TTLL5: variants seen among roughly 807,000 people sequenced by gnomAD.
TTLL5 encodes tubulin tyrosine ligase like 5.
A neutral mutation model predicts 168.4 loss-of-function variants in TTLL5; 132 were observed. The ratio of observed to expected loss-of-function variants is 0.78; its 90% CI spans 0.68 to 0.91. The LOEUF (loss-of-function observed/expected upper bound fraction) is 0.91, where lower values mean the gene tolerates loss of function less well. Among genes scored for constraint, TTLL5 ranks in the 40% least tolerant of loss-of-function variants. The pLI, the probability that TTLL5 is intolerant of heterozygous loss-of-function variation, is 0.00. For missense variants in TTLL5, 1,545 were observed against 1,581.5 expected, an observed-to-expected ratio of 0.98 and a Z score of 0.39; for synonymous variants, 546 against 558.6, an observed-to-expected ratio of 0.98 and a Z score of 0.32.
chr14:75,749,038 G>A (rs1889787763), intron 17 of TTLL5, among the ~76,000 whole-genome samples: 2 of 152,054 alleles, frequency 1.3e-5, no homozygotes, highest in South Asian at 4.1e-4. Context: ...TAGAGAAATC[G>A]TCCTTTTATC....
intron 28 of TTLL5, among the ~76,000 whole-genome samples, chr14:75,824,222 C>G (rs1289893474): frequency 6.6e-6 from 1 of 152,152 alleles, no homozygotes; most frequent in Non-Finnish European, 1.5e-5. Flanking sequence ...CTTCCATGTT[C>G]TCAGCACAGT....
chr14:75,789,647 G>A (rs1174371763), intron 26 of TTLL5, among the ~76,000 whole-genome samples: 1 of 152,016 alleles, frequency 6.6e-6, no homozygotes, highest in Non-Finnish European at 1.5e-5. Flanking sequence ...TGTTACCTAG[G>A]AATACATTTA....
At chr14:75,860,501 C>T (rs1897343164) in intron 28 of TTLL5, among the ~76,000 whole-genome samples, 1 of 152,218 alleles carries the variant, frequency 6.6e-6, no homozygotes, top group African/African-American at 2.4e-5. Context: ...CTTCTGTAAC[C>T]AGCAAAGCAG....
chr14:75,935,224 AT>A (rs1473137117), intron 31 of TTLL5, among the ~76,000 whole-genome samples: 1 of 152,204 alleles, frequency 6.6e-6, no homozygotes, highest in Non-Finnish European at 1.5e-5. Flanking sequence ...CAAAGCTGTC[AT>A]TATTCCCAAC....
intron 12 of TTLL5, among the ~76,000 whole-genome samples, chr14:75,720,989 T>C (rs764676087): frequency 6.6e-5 from 10 of 152,166 alleles, no homozygotes; most frequent in Non-Finnish European, 8.8e-5. Flanking sequence ...CAACGGACTG[T>C]ACAGGAATCC....
intron 12 of TTLL5, among the ~76,000 whole-genome samples, chr14:75,722,714 G>A (rs542407275): frequency 1.7e-3 from 256 of 151,996 alleles, no homozygotes; most frequent in African/African-American, 6.0e-3. Context: ...TGGCGCAATC[G>A]TATTTAGCTC....
At chr14:75,755,803 T>C (rs184994871) in intron 18 of TTLL5, among the ~76,000 whole-genome samples, 2 of 152,304 alleles carry the variant, frequency 1.3e-5, no homozygotes, top group African/African-American at 4.8e-5. Flanking sequence ...ATTTTGTTAT[T>C]ATTAGGACCA....
intron 18 of TTLL5, among the ~76,000 whole-genome samples, chr14:75,761,655 A>AGG (rs2140291387): frequency 6.6e-6 from 1 of 152,336 alleles, no homozygotes; most frequent in South Asian, 2.1e-4. Context: ...TGAAAAATTT[A>AGG]CAACAGTGAT....
intron 23 of TTLL5, among the ~76,000 whole-genome samples, chr14:75,779,278 G>A (rs1595025031): frequency 6.6e-6 from 1 of 152,228 alleles, no homozygotes; most frequent in South Asian, 2.1e-4. Context: ...GCTAGTTTAC[G>A]GAAAAGAATC....
At chr14:75,884,286 C>T (rs542210802) in intron 30 of TTLL5, among the ~76,000 whole-genome samples, 2 of 152,146 alleles carry the variant, frequency 1.3e-5, no homozygotes, top group Admixed American at 6.5e-5. Flanking sequence ...GCCAGTGTGC[C>T]CCTTGTGGAT....
At chr14:75,945,789 A>C (rs1210758253) in intron 31 of TTLL5, among the ~76,000 whole-genome samples, 1 of 152,140 alleles carries the variant, frequency 6.6e-6, no homozygotes, top group Admixed American at 6.5e-5. Context: ...AATCACAAGA[A>C]ATCCACACCT....
At chr14:75,678,333 A>G (rs1331772570) in intron 3 of TTLL5, among the ~76,000 whole-genome samples, 1 of 152,236 alleles carries the variant, frequency 6.6e-6, no homozygotes, top group Non-Finnish European at 1.5e-5. Flanking sequence ...AAAATATTGC[A>G]TGCCCTAATA....
chr14:75,773,929 G>T (rs7155605), intron 21 of TTLL5, among the ~76,000 whole-genome samples: 1,846 of 21,898 alleles, frequency 0.084, 36 homozygotes, highest in African/African-American at 0.13. Context: ...TATATATATA[G>T]AGAGAGAGAG....
At chr14:75,764,918 T>G in intron 19 of TTLL5, 146 bp downstream of exon 19, 1 of 922,268 alleles carries the variant, frequency 1.1e-6, no homozygotes, top group Non-Finnish European at 1.6e-6. Flanking sequence ...AAACTTAATT[T>G]CAACAAAGTC....
At chr14:75,757,370 T>TA (rs1890341176) in intron 18 of TTLL5, among the ~76,000 whole-genome samples, 1 of 152,298 alleles carries the variant, frequency 6.6e-6, no homozygotes, top group African/African-American at 2.4e-5. Context: ...TTTCTTTTCC[T>TA]AAAACAGTTC....
chr14:75,908,365 G>A (rs964757549), intron 31 of TTLL5, among the ~76,000 whole-genome samples: 1 of 122,846 alleles, frequency 8.1e-6, no homozygotes, highest in Non-Finnish European at 1.7e-5. Flanking sequence ...AAGTGAGGAG[G>A]CAGAACCCCA....
chr14:75,722,710 A>G (rs1887920638), intron 12 of TTLL5, among the ~76,000 whole-genome samples: 1 of 151,916 alleles, frequency 6.6e-6, no homozygotes, highest in Non-Finnish European at 1.5e-5. Context: ...GCAATGGCGC[A>G]ATCGTATTTA....
intron 22 of TTLL5, 59 bp downstream of exon 22, chr14:75,775,689 T>C: frequency 1.3e-6 from 2 of 1,582,276 alleles, no homozygotes; most frequent in East Asian, 2.2e-5. Context: ...AGAAACAGAC[T>C]AGATAGAAGC....
At position 75,699,201 on chromosome 14, in the gene TTLL5, G is replaced by A. The variant is rs749162881; in HGVS notation, c.516G>A (p.Lys172=). 2.5e-6 allele frequency: 4 copies of A among 1,613,720 alleles called. No individual in the cohort carries two copies. The South Asian group carries it at 4.4e-5, about 18-fold the overall frequency. ...EYAEFCNSYS[K]DRGPWIVKPV... ...TATTTTGAGCAGATTCATATTCGAA[G>A]GACCGGGGACCTTGGATAGTAAAAC... The change falls in exon 7 of 32, where the codon AAG becomes AAA. Residue 172 remains lysine (K), a synonymous_variant. Transcript: ENST00000298832.
Sources: allele counts gnomAD v4.1 joint callset (sites outside exome capture counted in the v4.1 genomes callset), GRCh38; gene constraint gnomAD v4.1.1; transcripts MANE v1.5; gene names NCBI Gene and HGNC (gene_info 2026-07-23, HGNC 2026-07-21).